Variants in B4GALNT3 observed in about 807,000 individuals in gnomAD.
B4GALNT3 encodes the protein beta-1,4-N-acetyl-galactosaminyltransferase 3.
B4GALNT3 carries 86 observed loss-of-function variants against 120.2 expected under a neutral mutation model. That is an observed-to-expected ratio of 0.72 (90% CI 0.60 to 0.86). The LOEUF (loss-of-function observed/expected upper bound fraction) is 0.86, where lower values mean the gene tolerates loss of function less well. Among genes scored for constraint, B4GALNT3 ranks in the 40% least tolerant of loss-of-function variants. The pLI is 0.00. For synonymous variants in B4GALNT3, 518 were observed against 510.4 expected, an observed-to-expected ratio of 1.01 and a Z score of -0.20; for missense variants, 1,167 against 1,298.9, an observed-to-expected ratio of 0.90 and a Z score of 1.56.
chr12:476,129 G>A (rs546049540), intron 1 of B4GALNT3, among the ~76,000 whole-genome samples: 2 of 152,260 alleles, frequency 1.3e-5, no homozygotes, highest in East Asian at 1.9e-4. Context: ...AGTCAGCTGC[G>A]CCTCAGTGAG....
At chr12:478,208 C>T (rs1364514003) in intron 1 of B4GALNT3, among the ~76,000 whole-genome samples, 1 of 140,730 alleles carries the variant, frequency 7.1e-6, no homozygotes, top group Non-Finnish European at 1.5e-5. Flanking sequence ...TGTGTTCGCA[C>T]TACTGCACTC....
intron 1 of B4GALNT3, among the ~76,000 whole-genome samples, chr12:510,131 C>T (rs1163833265): frequency 2.6e-5 from 4 of 152,134 alleles, no homozygotes; most frequent in South Asian, 2.1e-4. Flanking sequence ...ACCCAGGTTG[C>T]CTAACCTAGT....
chr12:524,560 C>T (rs1946743482), intron 1 of B4GALNT3, among the ~76,000 whole-genome samples: 1 of 151,550 alleles, frequency 6.6e-6, no homozygotes, highest in South Asian at 2.1e-4. Flanking sequence ...GGCCATACCT[C>T]TTTCTGCTTT....
In B4GALNT3 at chr12:460,570, A is replaced by G; in HGVS notation, c.169+25A>G. 3 of 1,387,660 alleles carry G rather than the reference A, an allele frequency of 2.2e-6. No individual in the cohort carries two copies. The South Asian group carries it at 4.9e-5, about 22-fold the overall frequency. 86.0% of individuals were successfully genotyped at this position (1,387,660 alleles called of 1,614,324 possible). ...AGTAAGTAGCACCCAGGGGAGGCGA[A>G]GGGCGCGGGGGTGGGCGGCGGCGGC... is the stretch of plus-strand genomic sequence containing the variant. On this transcript the variant is annotated intron_variant, in intron 1 of 19. Coordinates refer to ENST00000266383, the MANE Select transcript of B4GALNT3 (RefSeq NM_173593.4). This position sits in a 1 kb window ranked among gnomAD's most constrained non-coding sequence, Gnocchi z 8.0.
At chr12:533,755 A>G (rs958868730) in intron 1 of B4GALNT3, among the ~76,000 whole-genome samples, 8 of 152,184 alleles carry the variant, frequency 5.3e-5, no homozygotes, top group African/African-American at 1.9e-4. Flanking sequence ...CCTGTGGGAC[A>G]CTCAGTAAGC....
intron 12 of B4GALNT3, 93 bp downstream of exon 12, chr12:552,256 C>A: frequency 8.8e-7 from 1 of 1,131,018 alleles, no homozygotes; most frequent in Non-Finnish European, 1.3e-6. Flanking sequence ...GGTGGCACCC[C>A]AGCCCAAAGT....
intron 1 of B4GALNT3, among the ~76,000 whole-genome samples, chr12:463,112 T>C (rs966677860): frequency 1.3e-5 from 2 of 152,166 alleles, no homozygotes; most frequent in African/African-American, 2.4e-5. Flanking sequence ...TAGCAATCCC[T>C]GCCAACTCAC....
At position 531,803 on chromosome 12, in the gene B4GALNT3, C is replaced by T. The variant is rs146757845; in HGVS notation, c.170-3363C>T. Among the ~76,000 whole-genome samples the T allele has an allele frequency of 1.5e-3, 224 of 152,254 alleles. 1 individual carries two copies. Among genetic ancestry groups the T allele is most frequent in the African/African-American group, 5.0e-3 (206 of 41,532 alleles). On this transcript the variant is annotated intron_variant, in intron 1 of 19. Coordinates refer to ENST00000266383, the MANE Select transcript of B4GALNT3 (RefSeq NM_173593.4). The stretch of plus-strand genomic sequence containing the variant: ...ACATTTATTGGGTACTAAGACCCCA[C>T]GCTAGGTCTGGCCCACATAATTTAA...
rs1029684611 is a variant in B4GALNT3 at position 561,819 on chromosome 12, G to A, written c.*368G>A. On this transcript the variant is annotated 3_prime_UTR_variant, in exon 20 of 20. Transcript: ENST00000266383. Reference sequence around the variant, plus strand: ...CCAAGCGCTCCTCACGCCAAGCGCTGACCACCAGACCCTCTTCTAGTGGAC... The same window carrying A: ...CCAAGCGCTCCTCACGCCAAGCGCTAACCACCAGACCCTCTTCTAGTGGAC... 7 of 188,726 alleles carry A rather than the reference G, an allele frequency of 3.7e-5. No homozygotes were observed. Among genetic ancestry groups the A allele is most frequent in the Non-Finnish European group, 7.7e-5 (7 of 90,710 alleles). 11.7% of individuals were successfully genotyped at this position (188,726 alleles called of 1,614,324 possible).
intron 1 of B4GALNT3, among the ~76,000 whole-genome samples, chr12:519,606 T>C (rs1946686736): frequency 6.8e-6 from 1 of 146,356 alleles, no homozygotes; most frequent in African/African-American, 2.5e-5. Context: ...GCTTTTTTTT[T>C]TTTTTTTCCG....
intron 1 of B4GALNT3, among the ~76,000 whole-genome samples, chr12:503,416 T>A (rs1215860883): frequency 6.6e-6 from 1 of 152,206 alleles, no homozygotes; most frequent in Non-Finnish European, 1.5e-5. Flanking sequence ...CTGGGAGCTG[T>A]GACTTCTCTG....
intron 3 of B4GALNT3, among the ~76,000 whole-genome samples, chr12:539,271 C>A (rs975533569): frequency 6.6e-6 from 1 of 152,184 alleles, no homozygotes. Context: ...GATCACAAGA[C>A]GCTCATTAAC....
At position 556,587 on chromosome 12, in the gene B4GALNT3, C is replaced by A; in HGVS notation, c.2101C>A (p.Gln701Lys). 1 of 1,614,038 alleles carries A rather than the reference C, an allele frequency of 6.2e-7. No individual in the cohort carries two copies. The highest frequency in any genetic ancestry group is 8.5e-7 in the Non-Finnish European group (1 of 1,180,020). The stretch of plus-strand genomic sequence containing the variant: ...GCGCATTGTGAACGTGGAAAAGCGT[C>A]AGGACCAGCTACGTGGGGGTCGCTA... The part of the protein sequence containing the change: ...LQRIVNVEKR[Q>K]DQLRGGRYLL... Residue 701 changes from glutamine (Q) to lysine (K), a missense_variant, in exon 15 of 20, where the codon CAG (glutamine) becomes AAG (lysine). Gln to Lys is a moderately conservative substitution (Grantham distance 53). Transcript: ENST00000266383.
Position 550,886 on chromosome 12 carries a change from C to T in B4GALNT3, c.998-36C>T. 3 of 1,528,454 alleles carry T rather than the reference C, an allele frequency of 2.0e-6. No individual in the cohort carries two copies. The highest frequency in any genetic ancestry group is 9.1e-7 in the Non-Finnish European group (1 of 1,104,074). The allele number at this position is 1,528,454 out of a possible 1,614,324, so 94.7% of individuals were successfully genotyped here. A position where few individuals can be genotyped will look rare whatever the true frequency, so the allele number is the denominator to read the frequency against. On this transcript the variant is annotated intron_variant, in intron 10 of 19. Transcript: ENST00000266383. This position sits in a 1 kb window ranked among gnomAD's most constrained non-coding sequence, Gnocchi z 4.1. Reference sequence around the variant, plus strand: ...GACTTCAGCCCCAGTTTCGTGCTCACCCTCACCCTCACTCCTCCTCCTCCA... The same window carrying T: ...GACTTCAGCCCCAGTTTCGTGCTCATCCTCACCCTCACTCCTCCTCCTCCA...
chr12:532,382 A>G (rs1448737185), intron 1 of B4GALNT3, among the ~76,000 whole-genome samples: 1 of 152,208 alleles, frequency 6.6e-6, no homozygotes, highest in Non-Finnish European at 1.5e-5. Flanking sequence ...TGTTAAAGAG[A>G]AATAGAACTG....
chr12:544,472 C>T, intron 4 of B4GALNT3, 38 bp downstream of exon 4: 1 of 1,546,402 alleles, frequency 6.5e-7, no homozygotes. Flanking sequence ...CCTCCCTCCA[C>T]ACCTGCCTCC....
chr12:536,325 T>G (rs1946859620), intron 3 of B4GALNT3, 30 bp downstream of exon 3: 1 of 1,544,754 alleles, frequency 6.5e-7, no homozygotes, highest in Non-Finnish European at 8.9e-7. Flanking sequence ...ACCTGCCCTT[T>G]GAGAGAGCTA....
Position 517,849 on chromosome 12 carries a change from T to C in B4GALNT3, c.170-17317T>C, listed in dbSNP as rs150194224. On this transcript the variant is annotated intron_variant, in intron 1 of 19. Transcript: ENST00000266383. ...TGGCAGGACCATCAGCCATGACTTA[T>C]CAATTCCTCACCAGTGGGGCTCCAC... Among the ~76,000 whole-genome samples the C allele has an allele frequency of 1.0e-2, 1,517 of 152,338 alleles. 26 individuals carry two copies. The highest frequency in any genetic ancestry group is 0.034 in the African/African-American group (1,407 of 41,574).
At chr12:511,825 A>G (rs1309971305) in intron 1 of B4GALNT3, among the ~76,000 whole-genome samples, 8 of 44,218 alleles carry the variant, frequency 1.8e-4, no homozygotes, top group Admixed American at 4.1e-4. Flanking sequence ...TCCACCTTCC[A>G]CCTTCCACCT....
Sources: gnomAD v4.1 joint callset for allele counts (sites outside exome capture counted in the v4.1 genomes callset) on GRCh38, gnomAD v4.1.1 for gene constraint, Gnocchi (gnomAD v3.1) non-coding constraint, MANE v1.5 for transcripts, NCBI Gene and HGNC (gene_info 2026-07-23, HGNC 2026-07-21) for gene names.